PLXNA4: variants seen among roughly 807,000 people sequenced by gnomAD.
PLXNA4 encodes plexin-A4.
A neutral mutation model predicts 191.8 loss-of-function variants in PLXNA4; 44 were observed. That is an observed-to-expected ratio of 0.23 (90% CI 0.18 to 0.29). PLXNA4 has a LOEUF of 0.29. Among genes scored for constraint, PLXNA4 ranks in the 10% least tolerant of loss-of-function variants. PLXNA4 has a pLI of 1.00. For missense variants in PLXNA4, 1,800 were observed against 2,488.8 expected (o/e 0.72, Z 5.89); for synonymous variants, 1,082 against 1,009.5 (o/e 1.07, Z -1.36).
In PLXNA4 at chr7:132,508,954, C is replaced by T. The variant is rs1798600109; in HGVS notation, c.-86-175G>A. On this transcript the variant is annotated intron_variant, in intron 1 of 31. Coordinates refer to ENST00000321063, the MANE Select transcript of PLXNA4 (RefSeq NM_020911.2). This position sits in a 1 kb window ranked among gnomAD's most constrained non-coding sequence, Gnocchi z 4.4. The stretch of plus-strand genomic sequence containing the variant: ...CACGGGCATGTGACACAGTCAGAGC[C>T]GGGTGGCAGCAGCCCCAGGAGGACA... 6.6e-6 allele frequency among the ~76,000 whole-genome samples: 1 copy of T among 152,152 alleles called. No individual in the cohort carries two copies. The highest frequency in any genetic ancestry group is 1.5e-5 in the Non-Finnish European group (1 of 68,030).
At chr7:132,491,549 T>A (rs1018577893) in intron 2 of PLXNA4, among the ~76,000 whole-genome samples, 11 of 151,742 alleles carry the variant, frequency 7.2e-5, no homozygotes, top group African/African-American at 2.4e-4. Context: ...AGACATCCAC[T>A]CCAGGCCTTT....
intron 3 of PLXNA4, among the ~76,000 whole-genome samples, chr7:132,326,049 T>C (rs751503502): frequency 1.3e-5 from 2 of 152,150 alleles, no homozygotes; most frequent in East Asian, 3.9e-4. Context: ...GTCTTTCAGA[T>C]GAAATGCATG....
At chr7:132,139,992 A>T (rs1795218865) in intron 30 of PLXNA4, among the ~76,000 whole-genome samples, 4 of 152,186 alleles carry the variant, frequency 2.6e-5, no homozygotes, top group Admixed American at 2.0e-4. Context: ...CTGCCCTAGG[A>T]AGAGCCCAGC....
intron 2 of PLXNA4, among the ~76,000 whole-genome samples, chr7:132,635,562 T>C (rs1401431712): frequency 6.6e-6 from 1 of 152,236 alleles, no homozygotes; most frequent in Non-Finnish European, 1.5e-5. Context: ...GAGCTGACAT[T>C]GCTAAGAGGT....
chr7:132,299,522 T>A (rs905299106), intron 3 of PLXNA4, among the ~76,000 whole-genome samples: 1 of 152,156 alleles, frequency 6.6e-6, no homozygotes, highest in African/African-American at 2.4e-5. Flanking sequence ...TGATTTTGGG[T>A]TTGTTCTGGA....
At chr7:132,372,716 A>C (rs762921442) in intron 3 of PLXNA4, among the ~76,000 whole-genome samples, 2 of 152,250 alleles carry the variant, frequency 1.3e-5, no homozygotes, top group Non-Finnish European at 2.9e-5. Flanking sequence ...TCCAGCACCT[A>C]GTAGTGTCTG....
chr7:132,283,676 A>G (rs933421198), intron 4 of PLXNA4, among the ~76,000 whole-genome samples: 7 of 152,228 alleles, frequency 4.6e-5, no homozygotes, highest in Non-Finnish European at 8.8e-5. Context: ...AAACCAGGAG[A>G]GCTGGGAAAA....
chr7:132,531,623 G>A (rs149901445), intron 1 of PLXNA4, among the ~76,000 whole-genome samples: 213 of 152,274 alleles, frequency 1.4e-3, no homozygotes, highest in East Asian at 6.4e-3. Context: ...GTGATTCTGA[G>A]GCATGGTCAA....
At chr7:132,561,448 T>C (rs568634979) in intron 1 of PLXNA4, among the ~76,000 whole-genome samples, 2 of 131,266 alleles carry the variant, frequency 1.5e-5, no homozygotes, top group African/African-American at 2.9e-5. Flanking sequence ...CTCCTTCTTG[T>C]CCTCCTCCTT....
At chr7:132,137,300 G>C (rs943630426) in intron 30 of PLXNA4, among the ~76,000 whole-genome samples, 1 of 152,190 alleles carries the variant, frequency 6.6e-6, no homozygotes, top group Admixed American at 6.5e-5. Flanking sequence ...CCTGTGGCCT[G>C]CTGTGACTCC....
chr7:132,195,531 A>G (rs1317868181), intron 13 of PLXNA4, among the ~76,000 whole-genome samples: 1 of 152,256 alleles, frequency 6.6e-6, no homozygotes, highest in Non-Finnish European at 1.5e-5. Flanking sequence ...GAGCCAAATA[A>G]TGTTCCAAGA....
intron 20 of PLXNA4, among the ~76,000 whole-genome samples, chr7:132,175,609 G>A (rs1399006948): frequency 6.6e-6 from 1 of 152,244 alleles, no homozygotes. Flanking sequence ...CAGGCCTCCA[G>A]ATGAACAGAG....
At chr7:132,259,558 G>C (rs571284824) in intron 4 of PLXNA4, among the ~76,000 whole-genome samples, 2 of 151,134 alleles carry the variant, frequency 1.3e-5, no homozygotes, top group Non-Finnish European at 2.9e-5. Flanking sequence ...GTGGGATAAG[G>C]TGTGCATTCC....
intron 21 of PLXNA4, among the ~76,000 whole-genome samples, chr7:132,172,725 G>T (rs1160091314): frequency 1.3e-5 from 2 of 150,456 alleles, no homozygotes; most frequent in Admixed American, 1.3e-4. Flanking sequence ...TAACTAACCT[G>T]CACATTGTGC....
chr7:132,357,652 C>G (rs1233046931), intron 3 of PLXNA4, among the ~76,000 whole-genome samples: 48 of 152,182 alleles, frequency 3.2e-4, no homozygotes, highest in Admixed American at 3.1e-3. Flanking sequence ...GGGCTCAGAA[C>G]TTTTCCTAAG....
At chr7:132,612,795 AC>A (rs1217098865) in intron 2 of PLXNA4, among the ~76,000 whole-genome samples, 2 of 152,036 alleles carry the variant, frequency 1.3e-5, no homozygotes, top group East Asian at 3.9e-4. Context: ...ATTTTGCAGC[AC>A]CCCTGAGCAG....
intron 15 of PLXNA4, 116 bp from the exon 16 acceptor site, chr7:132,185,579 G>A (rs1009677198): frequency 1.4e-6 from 2 of 1,418,762 alleles, no homozygotes; most frequent in South Asian, 1.5e-5. Flanking sequence ...GCCATGGGTG[G>A]GTGCTCTCAG....
chr7:132,132,987 AG>A, intron 31 of PLXNA4, 61 bp downstream of exon 31: 1 of 1,573,854 alleles, frequency 6.4e-7, no homozygotes, highest in Non-Finnish European at 8.6e-7. Context: ...GGAGGCATGC[AG>A]GGTTGTCTTC....
upstream of PLXNA4, among the ~76,000 whole-genome samples, chr7:132,578,316 T>A (rs183713682): frequency 3.0e-4 from 45 of 152,162 alleles, no homozygotes; most frequent in East Asian, 7.4e-3. Context: ...CAGTAAGCAT[T>A]CCCTGGGATA....
Sources: allele counts gnomAD v4.1 joint callset (sites outside exome capture counted in the v4.1 genomes callset), GRCh38; gene constraint gnomAD v4.1.1; non-coding constraint Gnocchi (gnomAD v3.1); transcripts MANE v1.5; gene names NCBI Gene and HGNC (gene_info 2026-07-23, HGNC 2026-07-21).